The following MED13 variants were observed in gnomAD, a reference collection of about 807,000 sequenced individuals.
MED13 encodes mediator complex subunit 13.
MED13 carries 23 observed loss-of-function variants against 225.2 expected under a neutral mutation model. The observed-to-expected ratio is 0.10, with a 90% CI of 0.07 to 0.14. The LOEUF is 0.14. Ranked by LOEUF, MED13 falls within the 10% of genes least tolerant of loss-of-function variation. MED13 has a pLI of 1.00. For missense variants in MED13, 2,197 were observed against 2,594.5 expected (o/e 0.85, Z 3.33); for synonymous variants, 942 against 889.2 (o/e 1.06, Z -1.06).
chr17:62,026,304 A>T (rs2080701285), intron 8 of MED13, among the ~76,000 whole-genome samples: 1 of 152,162 alleles, frequency 6.6e-6, no homozygotes, highest in Admixed American at 6.5e-5. Flanking sequence ...CATTCAACCA[A>T]TATAATCCAT....
At chr17:62,004,897 CTTTTTTT>C (rs551492644) in intron 9 of MED13, 5 of 128,552 alleles carry the variant, frequency 3.9e-5, no homozygotes, top group African/African-American at 1.3e-4. Flanking sequence ...ACATCATTTA[CTTTTTTT>C]TTTTTTTTTT....
At chr17:61,975,175 A>G (rs1229616143) in intron 16 of MED13, among the ~76,000 whole-genome samples, 2 of 152,076 alleles carry the variant, frequency 1.3e-5, no homozygotes, top group African/African-American at 4.8e-5. Flanking sequence ...TCCAGAGTAC[A>G]GGAGAAAATA....
chr17:62,065,228 C>T lies in MED13; in HGVS notation c.-23G>A. 1 of 1,478,180 alleles carries T rather than the reference C, an allele frequency of 6.8e-7. No individual in the cohort carries two copies. Among genetic ancestry groups the T allele is most frequent in the Non-Finnish European group, 9.0e-7 (1 of 1,107,364 alleles). The allele number at this position is 1,478,180 out of a possible 1,614,324, so 91.6% of individuals were successfully genotyped here. On this transcript the variant is annotated 5_prime_UTR_variant, in exon 1 of 30. Coordinates refer to ENST00000397786, the MANE Select transcript of MED13 (RefSeq NM_005121.3). ...CATCGTCCCTCACAGCAGCCGCCGC[C>T]GGCGCCACAACCCACCATCCGCCAT...
chr17:62,014,376 G>C (rs904507714), intron 8 of MED13, among the ~76,000 whole-genome samples: 13 of 150,300 alleles, frequency 8.6e-5, no homozygotes, highest in Admixed American at 2.6e-4. Context: ...GAGTGCAGTG[G>C]CACGATCTCA....
chr17:62,056,791 T>A (rs1292648990), intron 2 of MED13, among the ~76,000 whole-genome samples: 1 of 152,166 alleles, frequency 6.6e-6, no homozygotes, highest in Non-Finnish European at 1.5e-5. Flanking sequence ...CCTTCTCTTG[T>A]AGCTCTATGT....
rs770527105 is a variant in MED13, at chr17:62,011,006, C to A, written c.1511G>T (p.Ser504Ile). The change falls in exon 9 of 30, where the codon AGT becomes ATT. Residue 504 changes from serine to isoleucine, a missense_variant. By Grantham distance (142) the Ser-to-Ile change is moderately radical. This residue lies in a region of MED13 where 884 missense variants were observed against 918.5 expected (regional missense o/e 0.96). Coordinates refer to ENST00000397786, the MANE Select transcript of MED13 (RefSeq NM_005121.3). ...TCGGATATTTGAAAATCTCACTTGA[C>A]TGTCTGGAGCAGAGATCACAAGTCT... ...SQRLVISAPD[S>I]QVRFSNIRTN... 6 of 1,613,722 alleles carry A rather than the reference C, an allele frequency of 3.7e-6. No homozygotes were observed. In the South Asian group the frequency reaches 6.6e-5, roughly 18 times the overall value.
chr17:62,025,129 G>T (rs756274997), intron 8 of MED13, among the ~76,000 whole-genome samples: 2 of 152,122 alleles, frequency 1.3e-5, no homozygotes, highest in Non-Finnish European at 2.9e-5. Context: ...TTAGACCAGG[G>T]ATTAGCAAAC....
chr17:62,052,604 T>G lies in MED13; in HGVS notation c.403A>C (p.Asn135His), dbSNP rs201817037. 7 of 1,601,116 alleles carry G rather than the reference T, an allele frequency of 4.4e-6. No homozygotes were observed. Among genetic ancestry groups the G allele is most frequent in the Non-Finnish European group, 6.0e-6 (7 of 1,172,758 alleles). The change falls in exon 3 of 30, where the codon AAT becomes CAT. Residue 135 changes from asparagine to histidine, a missense_variant. Coordinates refer to ENST00000397786, the MANE Select transcript of MED13 (RefSeq NM_005121.3). ...NLLERCLMNR[N>H]FVRIGKWFVK... Reference sequence around the variant, plus strand: ...AACCACTTGCCAATACGTACAAAATTCCTGTTCATTAAACACCGTTCCAAT... The same window carrying G: ...AACCACTTGCCAATACGTACAAAATGCCTGTTCATTAAACACCGTTCCAAT...
At chr17:61,980,221 C>T (rs2080192363) in intron 16 of MED13, among the ~76,000 whole-genome samples, 1 of 151,950 alleles carries the variant, frequency 6.6e-6, no homozygotes, top group African/African-American at 2.4e-5. Context: ...ATTCCCTATA[C>T]CTGATTTCTA....
At chr17:62,039,016 T>A (rs959697866) in intron 3 of MED13, among the ~76,000 whole-genome samples, 8 of 152,144 alleles carry the variant, frequency 5.3e-5, no homozygotes, top group Non-Finnish European at 1.2e-4. Flanking sequence ...TTTGGCTTCT[T>A]GATATAAAGG....
intron 11 of MED13, among the ~76,000 whole-genome samples, chr17:61,991,652 C>T (rs1445620599): frequency 6.6e-6 from 1 of 152,100 alleles, no homozygotes; most frequent in East Asian, 1.9e-4. Context: ...GAACCATAGG[C>T]GCGTGCCTCC....
chr17:62,044,487 T>A (rs1231977144), intron 3 of MED13, among the ~76,000 whole-genome samples: 3 of 152,344 alleles, frequency 2.0e-5, no homozygotes, highest in Non-Finnish European at 4.4e-5. Flanking sequence ...TTACTACTAA[T>A]TCCAGGGCTC....
At chr17:62,045,616 A>G (rs1182424041) in intron 3 of MED13, among the ~76,000 whole-genome samples, 1 of 152,240 alleles carries the variant, frequency 6.6e-6, no homozygotes. Flanking sequence ...AGAAGAGACT[A>G]AAACCTACAT....
intron 23 of MED13, among the ~76,000 whole-genome samples, chr17:61,957,857 C>T (rs797003539): frequency 9.9e-5 from 15 of 152,218 alleles, no homozygotes; most frequent in African/African-American, 3.6e-4. Context: ...GGCTGAGCAA[C>T]AGTGGCTATT....
intron 8 of MED13, among the ~76,000 whole-genome samples, chr17:62,019,577 A>G (rs1011127261): frequency 2.6e-5 from 4 of 152,172 alleles, no homozygotes; most frequent in Admixed American, 1.3e-4. Context: ...GTAAATGGCC[A>G]TACATTCACT....
chr17:62,012,760 C>A (rs528041698), intron 8 of MED13, among the ~76,000 whole-genome samples: 1 of 151,326 alleles, frequency 6.6e-6, no homozygotes, highest in Non-Finnish European at 1.5e-5. Context: ...GTGACAGGCA[C>A]TTATTTGAAA....
intron 2 of MED13, among the ~76,000 whole-genome samples, chr17:62,061,254 C>G (rs1266389716): frequency 6.6e-6 from 1 of 151,944 alleles, no homozygotes; most frequent in Admixed American, 6.6e-5. Flanking sequence ...TGCAGGGGCT[C>G]ACACTTGTAA....
chr17:62,003,599 CAAAAAAAAAAA>C (rs34451831), intron 9 of MED13: 5 of 51,744 alleles, frequency 9.7e-5, no homozygotes, highest in African/African-American at 3.2e-4. Context: ...CAGCAAAACT[CAAAAAAAAAAA>C]AAAAAAAAAA....
intron 4 of MED13, among the ~76,000 whole-genome samples, chr17:62,034,559 T>A (rs577132648): frequency 1.3e-5 from 2 of 151,450 alleles, no homozygotes; most frequent in Non-Finnish European, 2.9e-5. Context: ...TATTTGTGTA[T>A]CCTTCAATTT....
Sources: allele counts gnomAD v4.1 joint callset (sites outside exome capture counted in the v4.1 genomes callset), GRCh38; gene constraint gnomAD v4.1.1; regional missense constraint gnomAD v4.1.1; transcripts MANE v1.5; gene names NCBI Gene and HGNC (gene_info 2026-07-23, HGNC 2026-07-21).